The following TTLL1 variants were observed in gnomAD, a reference collection of about 807,000 sequenced individuals.
TTLL1 encodes polyglutamylase complex subunit TTLL1.
A neutral mutation model predicts 47.8 loss-of-function variants in TTLL1; 33 were observed. The observed-to-expected ratio is 0.69, with a 90% CI of 0.52 to 0.92. The LOEUF is 0.92. Ranked by LOEUF, TTLL1 falls within the 40% of genes least tolerant of loss-of-function variation. The probability of loss-of-function intolerance (pLI) is 0.00; values close to 1 mark genes in which losing one functional copy is unlikely to be tolerated. For synonymous variants in TTLL1, 225 were observed against 214.1 expected (o/e 1.05, Z -0.45); for missense variants, 488 against 547.5 (o/e 0.89, Z 1.08).
intron 7 of TTLL1, among the ~76,000 whole-genome samples, chr22:43,061,612 G>A (rs769871483): frequency 3.3e-5 from 5 of 152,162 alleles, no homozygotes; most frequent in East Asian, 1.9e-4. Flanking sequence ...ATAAAGAAAC[G>A]AGACCTTTGG....
intron 2 of TTLL1, among the ~76,000 whole-genome samples, chr22:43,076,956 C>A (rs964930003): frequency 6.6e-6 from 1 of 151,708 alleles, no homozygotes; most frequent in Non-Finnish European, 1.5e-5. Flanking sequence ...AAAAAATTAG[C>A]CGGGTGCGGT....
At chr22:43,068,113 C>A (rs1249500578) in intron 5 of TTLL1, among the ~76,000 whole-genome samples, 1 of 147,756 alleles carries the variant, frequency 6.8e-6, no homozygotes, top group Non-Finnish European at 1.5e-5. Flanking sequence ...CATGCCCAGC[C>A]GCAAAACCCC....
At chr22:43,041,717 T>C (rs569945865) in intron 10 of TTLL1, among the ~76,000 whole-genome samples, 3 of 152,178 alleles carry the variant, frequency 2.0e-5, no homozygotes, top group Admixed American at 6.5e-5. Context: ...GGTTTCACCA[T>C]GTTGCCCAGA....
chr22:43,046,598 C>T (rs1449688240), intron 9 of TTLL1, 25 bp from the exon 10 acceptor site: 1 of 1,609,138 alleles, frequency 6.2e-7, no homozygotes, highest in Non-Finnish European at 8.5e-7. Flanking sequence ...ACCCATGTTC[C>T]TCACCTGTGT....
rs376503057 is a variant in TTLL1 at position 43,049,504 on chromosome 22, C to A, written c.978+2297G>T. Among the ~76,000 whole-genome samples the A allele has an allele frequency of 2.9e-4, 43 of 148,850 alleles. No homozygotes were observed. The East Asian group carries it at 7.4e-3, about 25-fold the overall frequency. On this transcript the variant is annotated intron_variant, in intron 9 of 10. Transcript: ENST00000266254. ...CGCCATTGCACTCCAGCCTGGGCAA[C>A]AAGAGTGAAACTCAGTCTCAAAAAA...
chr22:43,068,484 G>T lies in TTLL1; in HGVS notation c.429C>A (p.Ala143=). 1.9e-6 allele frequency: 3 copies of T among 1,580,934 alleles called. No individual in the cohort carries two copies. Among genetic ancestry groups the T allele is most frequent in the Non-Finnish European group, 2.6e-6 (3 of 1,155,222 alleles). The stretch of plus-strand genomic sequence containing the variant: ...TGATAAGGAAGATGCCCTTTCCCTG[G>T]GCCTTGCCACAAGGCTTCATGATCC... ...STWIMKPCGK[A]QGKGIFLINK... The change falls in exon 5 of 11, where the codon GCC becomes GCA. Residue 143 remains alanine (A), a synonymous_variant. Transcript: ENST00000266254.
rs780169503 is a variant in TTLL1, at chr22:43,064,200, G to C, written c.628C>G (p.Arg210Gly). ...CTTAGGGACGCTTACATGTAACAGCGCAGTGGACGGTACGTGGACACCAGA... is the reference window on the plus strand; with the variant it reads ...CTTAGGGACGCTTACATGTAACAGCCCAGTGGACGGTACGTGGACACCAGA... ...YVLVSTYRPL[R>G]CYMYKLGFCR... is the part of the protein sequence containing the mutation. The change falls in exon 6 of 11, where the codon CGC (arginine) becomes GGC (glycine). Residue 210 changes from arginine (R) to glycine (G), a missense_variant. Physicochemically the swap from Arg to Gly is moderately radical, Grantham distance 125 (BLOSUM62 -2). Transcript: ENST00000266254. 6.2e-7 allele frequency: 1 copy of C among 1,612,192 alleles called. No homozygotes were observed. Among genetic ancestry groups the C allele is most frequent in the Non-Finnish European group, 8.5e-7 (1 of 1,179,532 alleles).
At chr22:43,048,579 C>A (rs528258331) in intron 9 of TTLL1, among the ~76,000 whole-genome samples, 1 of 150,722 alleles carries the variant, frequency 6.6e-6, no homozygotes, top group African/African-American at 2.4e-5. Context: ...GTTCAAGTTG[C>A]GGCGAGCAAT....
At chr22:43,071,391 T>C (rs1018577646) in intron 3 of TTLL1, among the ~76,000 whole-genome samples, 2 of 150,544 alleles carry the variant, frequency 1.3e-5, no homozygotes, top group Admixed American at 1.3e-4. Flanking sequence ...TCCAGCACTT[T>C]TGTTTTGTTT....
Position 43,068,390 on chromosome 22 carries a change from G to A in TTLL1, c.503+20C>T. Reference sequence around the variant, plus strand: ...TGAACTGGGACCTGGCACACAAAGTGGGTGGCTGCCCACACTTACGAAGAT... The same window carrying A: ...TGAACTGGGACCTGGCACACAAAGTAGGTGGCTGCCCACACTTACGAAGAT... On this transcript the variant is annotated intron_variant, in intron 5 of 10. Transcript: ENST00000266254. The A allele has an allele frequency of 1.4e-6, 2 of 1,466,640 alleles. No homozygotes were observed. The highest frequency in any genetic ancestry group is 1.5e-5 in the South Asian group (1 of 68,758). 90.9% of individuals were successfully genotyped at this position (1,466,640 alleles called of 1,614,324 possible).
At chr22:43,070,514 T>C (rs1601690274) in intron 3 of TTLL1, among the ~76,000 whole-genome samples, 2 of 152,088 alleles carry the variant, frequency 1.3e-5, no homozygotes, top group African/African-American at 4.8e-5. Flanking sequence ...TGCACTGTGG[T>C]CCCTGTGCCC....
chr22:43,061,549 G>A (rs1336992601), intron 7 of TTLL1, among the ~76,000 whole-genome samples: 1 of 152,220 alleles, frequency 6.6e-6, no homozygotes, highest in Non-Finnish European at 1.5e-5. Context: ...AAACAGACCA[G>A]AGCATTCAAG....
intron 2 of TTLL1, among the ~76,000 whole-genome samples, chr22:43,076,221 C>T (rs1015507284): frequency 2.0e-4 from 31 of 151,970 alleles, no homozygotes; most frequent in African/African-American, 7.0e-4. Context: ...TTTGGGAGGC[C>T]GAGGCAGGCG....
chr22:43,056,223 G>GT (rs936541503), intron 8 of TTLL1, among the ~76,000 whole-genome samples: 12 of 151,866 alleles, frequency 7.9e-5, no homozygotes, highest in African/African-American at 2.9e-4. Flanking sequence ...GCTGGGCGTG[G>GT]TGGCGCGCAC....
At chr22:43,074,556 G>C (rs190607685) in intron 3 of TTLL1, among the ~76,000 whole-genome samples, 52 of 150,760 alleles carry the variant, frequency 3.4e-4, no homozygotes, top group Admixed American at 3.4e-3. Context: ...GAATAGCTCC[G>C]AAGGCTGGGT....
intron 3 of TTLL1, 27 bp from the exon 4 acceptor site, chr22:43,069,871 T>C (rs1325349461): frequency 1.9e-6 from 3 of 1,612,312 alleles, no homozygotes; most frequent in Non-Finnish European, 8.5e-7. Context: ...GGAGAGACAC[T>C]TGGCAGTGAT....
Position 43,059,520 on chromosome 22 carries a change from T to C in TTLL1, c.755A>G (p.Tyr252Cys). The C allele has an allele frequency of 1.2e-6, 2 of 1,613,082 alleles. No homozygotes were observed. Among genetic ancestry groups the C allele is most frequent in the Non-Finnish European group, 8.5e-7 (1 of 1,179,546 alleles). ...CCACTTGCCCCCATGGATGTGGTTG[T>C]AGTCCTCCTGGTGACGGGAAAGCGG... ...NVAIQKHGEDYNHIHGGKWTV... is the reference protein window; with the variant it reads ...NVAIQKHGEDCNHIHGGKWTV... Residue 252 changes from tyrosine to cysteine, a missense_variant, in exon 8 of 11, where the codon TAC becomes TGC. Physicochemically the swap from Tyr to Cys is radical, Grantham distance 194. Transcript: ENST00000266254.
chr22:43,062,445 C>G (rs1201847012), intron 7 of TTLL1, among the ~76,000 whole-genome samples: 1 of 147,396 alleles, frequency 6.8e-6, no homozygotes, highest in Non-Finnish European at 1.5e-5. Context: ...GAGCTGAGAT[C>G]ACGGCACTGC....
At chr22:43,062,604 C>T (rs550640670) in intron 7 of TTLL1, among the ~76,000 whole-genome samples, 2 of 152,084 alleles carry the variant, frequency 1.3e-5, no homozygotes, top group South Asian at 2.1e-4. Flanking sequence ...TTGAGGTGGG[C>T]GGATCACTTG....
Sources: gnomAD v4.1 joint callset for allele counts (sites outside exome capture counted in the v4.1 genomes callset) on GRCh38, gnomAD v4.1.1 for gene constraint, MANE v1.5 for transcripts, NCBI Gene and HGNC (gene_info 2026-07-23, HGNC 2026-07-21) for gene names.